The following RPIA variants were observed in gnomAD, a reference collection of about 807,000 sequenced individuals.
RPIA encodes the protein ribose-5-phosphate isomerase.
A neutral mutation model predicts 37.8 loss-of-function variants in RPIA; 29 were observed. That is an observed-to-expected ratio of 0.77 (90% CI 0.57 to 1.05). The LOEUF (loss-of-function observed/expected upper bound fraction) is 1.05, where lower values mean the gene tolerates loss of function less well. Ranked by LOEUF, RPIA falls within the 50% of genes least tolerant of loss-of-function variation. The pLI, the probability that RPIA is intolerant of heterozygous loss-of-function variation, is 0.00. For missense variants in RPIA, 385 were observed against 413.6 expected (o/e 0.93, Z 0.60); for synonymous variants, 167 against 157.0 (o/e 1.06, Z -0.48).
chr2:88,745,174 G>C (rs949759292), intron 8 of RPIA, among the ~76,000 whole-genome samples: 1 of 152,106 alleles, frequency 6.6e-6, no homozygotes, highest in African/African-American at 2.4e-5. Flanking sequence ...TGGCCAGGCT[G>C]GTCTCAAACT....
Position 88,738,241 on chromosome 2 carries a change from C to G in RPIA, c.838+165C>G, listed in dbSNP as rs572767402. On this transcript the variant is annotated intron_variant, in intron 8 of 8. Transcript: ENST00000283646. ...GGGTTTTTAACTTCACCTCCTTTGC[C>G]GTATTCCCTTCCCCCAACAATTGTT... 3.9e-5 allele frequency among the ~76,000 whole-genome samples: 6 copies of G among 152,332 alleles called. No homozygotes were observed. In the East Asian group the frequency reaches 9.6e-4, roughly 24 times the overall value.
At chr2:88,729,385 T>TGG in intron 4 of RPIA, 48 bp downstream of exon 4, 1 of 1,548,882 alleles carries the variant, frequency 6.5e-7, no homozygotes, top group African/African-American at 1.4e-5. Context: ...CTTTCCGCTT[T>TGG]TTTATGGCTG....
chr2:88,691,900 A>G lies in RPIA; in HGVS notation c.202A>G (p.Ile68Val). ...CACCAGCTGCGGGGACTCCAACAGC[A>G]TCTGCCCGGCCCCCTCCACGATGTC... is the stretch of plus-strand genomic sequence containing the variant. Reference protein sequence around the residue: ...TSTSCGDSNSICPAPSTMSKA... With the variant: ...TSTSCGDSNSVCPAPSTMSKA... Residue 68 changes from isoleucine (I) to valine (V), a missense_variant, in exon 1 of 9, where the codon ATC becomes GTC. Ile to Val is a conservative substitution (Grantham distance 29). This residue lies in a region of RPIA where 232 missense variants were observed against 203.0 expected (regional missense o/e 1.14). Coordinates refer to ENST00000283646, the MANE Select transcript of RPIA (RefSeq NM_144563.3). 2 of 1,595,444 alleles carry G rather than the reference A, an allele frequency of 1.3e-6. No individual in the cohort carries two copies. The highest frequency in any genetic ancestry group is 1.7e-4 in the Middle Eastern group (1 of 6,026).
chr2:88,705,527 C>G (rs1672887150), intron 3 of RPIA, among the ~76,000 whole-genome samples: 1 of 152,120 alleles, frequency 6.6e-6, no homozygotes, highest in Non-Finnish European at 1.5e-5. Context: ...GAAACTGGAC[C>G]TTTTCCTTAC....
intron 3 of RPIA, among the ~76,000 whole-genome samples, chr2:88,702,732 A>G (rs1019777627): frequency 1.3e-5 from 2 of 152,186 alleles, no homozygotes; most frequent in Non-Finnish European, 2.9e-5. Flanking sequence ...GAGCCTGCCA[A>G]ATCTCATGTC....
At chr2:88,707,588 T>A (rs1325862956) in intron 3 of RPIA, among the ~76,000 whole-genome samples, 1 of 152,200 alleles carries the variant, frequency 6.6e-6, no homozygotes, top group East Asian at 1.9e-4. Context: ...CCTGGTAACA[T>A]TCCCAAGTAT....
At position 88,692,113 on chromosome 2, in the gene RPIA, T is replaced by A; in HGVS notation, c.285+130T>A. 5.1e-6 allele frequency: 6 copies of A among 1,184,280 alleles called. No homozygotes were observed. The South Asian group carries it at 9.0e-5, about 18-fold the overall frequency. The allele number at this position is 1,184,280 out of a possible 1,614,324, so 73.4% of individuals were successfully genotyped here. A position where few individuals can be genotyped will look rare whatever the true frequency, so the allele number is the denominator to read the frequency against. Reference sequence around the variant, plus strand: ...GGGAGCTGAGTGAGAGGGTAGAGGGTGTGCACTTTACCCGAGTTTAGACCC... The same window carrying A: ...GGGAGCTGAGTGAGAGGGTAGAGGGAGTGCACTTTACCCGAGTTTAGACCC... On this transcript the variant is annotated intron_variant, in intron 1 of 8. Transcript: ENST00000283646.
Position 88,740,395 on chromosome 2 carries a change from C to T in RPIA, c.838+2319C>T, listed in dbSNP as rs140994387. ...GCTATTAAATCATATAATGTGATAT[C>T]TACAGGACAATCAGAGTGGTTTGCT... On this transcript the variant is annotated intron_variant, in intron 8 of 8. Coordinates refer to ENST00000283646, the MANE Select transcript of RPIA (RefSeq NM_144563.3). Among the ~76,000 whole-genome samples, 245 of 152,270 alleles carry T rather than the reference C, an allele frequency of 1.6e-3. 1 individual carries two copies. Among genetic ancestry groups the T allele is most frequent in the African/African-American group, 5.4e-3 (223 of 41,560 alleles).
chr2:88,724,971 A>G (rs1208246557), intron 3 of RPIA, among the ~76,000 whole-genome samples: 1 of 152,228 alleles, frequency 6.6e-6, no homozygotes, highest in East Asian at 1.9e-4. Flanking sequence ...AAATGAAGGG[A>G]AAACAGAAGT....
At chr2:88,712,019 G>A (rs937873403) in intron 3 of RPIA, among the ~76,000 whole-genome samples, 1 of 152,154 alleles carries the variant, frequency 6.6e-6, no homozygotes, top group African/African-American at 2.4e-5. Flanking sequence ...ATGCTTGTCA[G>A]TTGTGCCTGA....
At chr2:88,747,741 T>A (rs1288535556) in intron 8 of RPIA, among the ~76,000 whole-genome samples, 1 of 152,226 alleles carries the variant, frequency 6.6e-6, no homozygotes, top group East Asian at 1.9e-4. Flanking sequence ...TCTGGATTTT[T>A]CAGGTTCCCC....
In RPIA at chr2:88,736,644, G is replaced by A. The variant is rs752477415; in HGVS notation, c.706G>A (p.Val236Met). The A allele has an allele frequency of 3.8e-5, 61 of 1,613,888 alleles. No homozygotes were observed. Among genetic ancestry groups the A allele is most frequent in the African/African-American group, 2.3e-4 (17 of 75,044 alleles). ...SRAVSQKFGG[V>M]VELRMAVNKA... ...AGCTGTGAGCCAGAAGTTTGGGGGC[G>A]TGGTTGAACTTCGAATGGCTGTCAA... Residue 236 changes from valine to methionine, a missense_variant, in exon 7 of 9, where the codon GTG (valine) becomes ATG (methionine). Physicochemically the swap from Val to Met is conservative, Grantham distance 21 (BLOSUM62 1). Coordinates refer to ENST00000283646, the MANE Select transcript of RPIA (RefSeq NM_144563.3).
intron 8 of RPIA, among the ~76,000 whole-genome samples, chr2:88,745,052 G>T (rs556505620): frequency 6.6e-6 from 1 of 152,236 alleles, no homozygotes; most frequent in Admixed American, 6.5e-5. Context: ...TCACCTCTCA[G>T]GTTCAGGCAA....
At chr2:88,704,667 T>A (rs927524655) in intron 3 of RPIA, among the ~76,000 whole-genome samples, 1 of 152,008 alleles carries the variant, frequency 6.6e-6, no homozygotes, top group African/African-American at 2.4e-5. Flanking sequence ...GTATAGAAAT[T>A]AAGGGTCATC....
chr2:88,746,120 A>G (rs1452816562), intron 8 of RPIA, among the ~76,000 whole-genome samples: 4 of 151,990 alleles, frequency 2.6e-5, no homozygotes, highest in Admixed American at 2.0e-4. Flanking sequence ...TGTGTCTTTC[A>G]TTTCCAGAAG....
intron 3 of RPIA, among the ~76,000 whole-genome samples, chr2:88,724,889 T>A (rs760646330): frequency 1.3e-5 from 2 of 152,214 alleles, no homozygotes; most frequent in Non-Finnish European, 2.9e-5. Context: ...ATGCTTCTAC[T>A]ATGTAAGCAC....
chr2:88,728,265 A>G (rs1001327590), intron 3 of RPIA, among the ~76,000 whole-genome samples: 1 of 152,198 alleles, frequency 6.6e-6, no homozygotes, highest in Non-Finnish European at 1.5e-5. Flanking sequence ...TCAGGATCCA[A>G]CATTACAATT....
intron 1 of RPIA, 23 bp downstream of exon 1, chr2:88,692,006 C>T (rs1374564804): frequency 1.3e-6 from 2 of 1,565,734 alleles, no homozygotes; most frequent in Non-Finnish European, 1.7e-6. Context: ...AAACGTGGGG[C>T]GCGGGGCGCA....
rs1453776701 is a variant in RPIA at position 88,700,033 on chromosome 2, T to G, written c.371T>G (p.Leu124Arg). The G allele has an allele frequency of 6.2e-7, 1 of 1,614,242 alleles. No individual in the cohort carries two copies. ...RIAERVKQEN[L>R]NLVCIPTSFQ... ...GCTGAAAGGGTGAAGCAAGAGAATC[T>G]GAACCTCGTCTGTATTCCCACTTCC... Residue 124 changes from leucine to arginine, a missense_variant, in exon 3 of 9, where the codon CTG (leucine) becomes CGG (arginine). By Grantham distance (102) the Leu-to-Arg change is moderately radical. Transcript: ENST00000283646.
Sources: allele counts gnomAD v4.1 joint callset (sites outside exome capture counted in the v4.1 genomes callset), GRCh38; gene constraint gnomAD v4.1.1; regional missense constraint gnomAD v4.1.1; transcripts MANE v1.5; gene names NCBI Gene and HGNC (gene_info 2026-07-23, HGNC 2026-07-21).